The following GLB1 variants were observed in gnomAD, a reference collection of about 807,000 sequenced individuals.
The protein encoded by GLB1 is beta-galactosidase.
A neutral mutation model predicts 74.0 loss-of-function variants in GLB1; 56 were observed. The observed-to-expected ratio is 0.76, with a 90% CI of 0.61 to 0.94. The LOEUF is 0.94. GLB1 is among the 40% of genes least tolerant of loss of function. The pLI, the probability that GLB1 is intolerant of heterozygous loss-of-function variation, is 0.00. For missense variants in GLB1, 787 were observed against 845.5 expected (o/e 0.93, Z 0.86); for synonymous variants, 323 against 323.6 (o/e 1.00, Z 0.02).
At chr3:33,043,831 C>CCTCAGAAAA in intron 10 of GLB1, among the ~76,000 whole-genome samples, 1 of 13,974 alleles carries the variant, frequency 7.2e-5, no homozygotes. Context: ...TAATGAATAA[C>CCTCAGAAAA]AGACCAAAAA....
intron 5 of GLB1, among the ~76,000 whole-genome samples, chr3:33,058,512 C>T (rs1699313838): frequency 6.6e-6 from 1 of 151,968 alleles, no homozygotes; most frequent in African/African-American, 2.4e-5. Context: ...ACAAAAAACA[C>T]CAAACTGGTG....
chr3:33,087,052 A>G, intron 1 of GLB1, among the ~76,000 whole-genome samples: 1 of 151,942 alleles, frequency 6.6e-6, no homozygotes, highest in Admixed American at 6.5e-5. Context: ...TTTAAAAAAA[A>G]GAAGATATAA....
intron 1 of GLB1, chr3:33,096,664 C>T (rs1701042763): frequency 8.9e-7 from 1 of 1,127,966 alleles, no homozygotes; most frequent in South Asian, 2.7e-5. Context: ...CCCTCTAACC[C>T]GCGCAACTTG....
intron 1 of GLB1, among the ~76,000 whole-genome samples, chr3:33,075,362 G>T (rs1700068473): frequency 6.6e-6 from 1 of 152,144 alleles, no homozygotes; most frequent in Non-Finnish European, 1.5e-5. Flanking sequence ...GATAAGGCTG[G>T]GAAAAAATGA....
At chr3:33,019,659 G>A (rs6550190) in intron 12 of GLB1, among the ~76,000 whole-genome samples, 140,108 of 152,150 alleles carry the variant, frequency 0.92, 65,606 homozygotes, top group East Asian at 1. Flanking sequence ...TCCCGCCCAG[G>A]CTCCACATCT....
intron 1 of GLB1, chr3:33,077,237 A>G: frequency 6.4e-7 from 1 of 1,556,900 alleles, no homozygotes; most frequent in Non-Finnish European, 8.7e-7. Context: ...AGGAATCGAG[A>G]CTGAGAACAA....
intron 10 of GLB1, among the ~76,000 whole-genome samples, chr3:33,043,146 A>G (rs1284504741): frequency 1.3e-5 from 2 of 152,204 alleles, no homozygotes; most frequent in East Asian, 3.8e-4. Context: ...GAGAAAGTAA[A>G]GATATTGATT....
chr3:33,024,537 T>C (rs1366590484), intron 10 of GLB1: 4 of 545,048 alleles, frequency 7.3e-6, no homozygotes, highest in Non-Finnish European at 1.3e-5. Flanking sequence ...GCTTCAGGAA[T>C]ATCCAAATAA....
chr3:33,039,273 G>A (rs1294871305), intron 10 of GLB1, among the ~76,000 whole-genome samples: 1 of 119,778 alleles, frequency 8.3e-6, no homozygotes, highest in Admixed American at 1.1e-4. Flanking sequence ...CTGGGCAACA[G>A]AGCAAGACTC....
intron 12 of GLB1, chr3:33,021,251 C>T (rs908987096): frequency 1.2e-5 from 5 of 405,222 alleles, no homozygotes; most frequent in African/African-American, 8.1e-5. Flanking sequence ...TGATCTTCCA[C>T]TGATGCCTAG....
chr3:33,011,231 G>T (rs1697009645), intron 15 of GLB1, among the ~76,000 whole-genome samples: 1 of 152,146 alleles, frequency 6.6e-6, no homozygotes, highest in African/African-American at 2.4e-5. Context: ...CTAACAGGAT[G>T]GCTGTGGTGG....
At position 33,068,238 on chromosome 3, in the gene GLB1, G is replaced by T; in HGVS notation, c.449C>A (p.Ser150Tyr). 1 of 1,614,062 alleles carries T rather than the reference G, an allele frequency of 6.2e-7. No individual in the cohort carries two copies. Among genetic ancestry groups the T allele is most frequent in the Admixed American group, 1.7e-5 (1 of 60,024 alleles). The change falls in exon 4 of 16, where the codon TCC becomes TAC. Residue 150 changes from serine to tyrosine, a missense_variant. Physicochemically the swap from Ser to Tyr is moderately radical, Grantham distance 144. Coordinates refer to ENST00000307363, the MANE Select transcript of GLB1 (RefSeq NM_000404.4). Reference protein sequence around the residue: ...LEKESILLRSSDPDYLAAVDK... With the variant: ...LEKESILLRSYDPDYLAAVDK... ...CATCTGTAACAACCTACCTGGGTCGGAGGAGCGGAGAAGAATAGACTCTTT... is the reference window on the plus strand; with the variant it reads ...CATCTGTAACAACCTACCTGGGTCGTAGGAGCGGAGAAGAATAGACTCTTT...
intron 1 of GLB1, among the ~76,000 whole-genome samples, chr3:33,087,469 C>T (rs929644241): frequency 3.9e-5 from 6 of 152,012 alleles, no homozygotes; most frequent in Middle Eastern, 3.2e-3. Context: ...ACTTGGGAGG[C>T]TGAGGAAGGA....
At chr3:33,051,159 G>A (rs1189198271) in intron 9 of GLB1, among the ~76,000 whole-genome samples, 1 of 150,428 alleles carries the variant, frequency 6.6e-6, no homozygotes, top group Non-Finnish European at 1.5e-5. Flanking sequence ...TGTGAACCCG[G>A]GAGGCAGAGC....
chr3:32,995,191 C>T (rs929903120), downstream of GLB1, among the ~76,000 whole-genome samples: 8 of 152,132 alleles, frequency 5.3e-5, no homozygotes, highest in South Asian at 2.1e-4. Flanking sequence ...CAAGTGTACA[C>T]GCTGATGAGG....
chr3:33,022,418 A>C (rs1006057742), intron 11 of GLB1, among the ~76,000 whole-genome samples: 3 of 151,840 alleles, frequency 2.0e-5, no homozygotes, highest in Non-Finnish European at 4.4e-5. Context: ...CTCATTGAAT[A>C]CTCACAGCTA....
chr3:33,033,181 C>G (rs745508455), intron 10 of GLB1, among the ~76,000 whole-genome samples: 9 of 152,140 alleles, frequency 5.9e-5, no homozygotes, highest in Non-Finnish European at 1.3e-4. Context: ...CACCCAGCCC[C>G]GGAAGTACAT....
chr3:33,008,858 G>A (rs1034719335), intron 15 of GLB1, among the ~76,000 whole-genome samples: 1 of 152,166 alleles, frequency 6.6e-6, no homozygotes, highest in Non-Finnish European at 1.5e-5. Context: ...AGTGGTTCAC[G>A]CCTGTAATCC....
the GLB1 span, among the ~76,000 whole-genome samples, chr3:32,973,381 TG>T: frequency 6.6e-6 from 1 of 152,166 alleles, no homozygotes; most frequent in African/African-American, 2.4e-5. Context: ...TTGCCCAGGC[TG>T]GTGTGCAGTG....
Sources: gnomAD v4.1 joint callset for allele counts (sites outside exome capture counted in the v4.1 genomes callset) on GRCh38, gnomAD v4.1.1 for gene constraint, MANE v1.5 for transcripts, NCBI Gene and HGNC (gene_info 2026-07-23, HGNC 2026-07-21) for gene names.